Variants in TRPM8 observed in about 807,000 individuals in gnomAD.
The protein encoded by TRPM8 is transient receptor potential cation channel subfamily M member 8.
TRPM8 carries 110 observed loss-of-function variants against 133.7 expected under a neutral mutation model. That is an observed-to-expected ratio of 0.82 (90% CI 0.70 to 0.96). The LOEUF is 0.96. Ranked by LOEUF, TRPM8 falls within the 40% of genes least tolerant of loss-of-function variation. TRPM8 has a pLI of 0.00. For missense variants in TRPM8, 1,291 were observed against 1,379.5 expected (o/e 0.94, Z 1.02); for synonymous variants, 535 against 532.3 (o/e 1.01, Z -0.07).
chr2:233,999,203 G>C (rs1450304543), intron 22 of TRPM8, among the ~76,000 whole-genome samples: 1 of 152,076 alleles, frequency 6.6e-6, no homozygotes, highest in Non-Finnish European at 1.5e-5. Flanking sequence ...TCTGTTCCTT[G>C]AAGCATCCAG....
intron 5 of TRPM8, among the ~76,000 whole-genome samples, chr2:233,941,044 G>A (rs537570450): frequency 9.2e-5 from 14 of 152,268 alleles, no homozygotes; most frequent in African/African-American, 3.1e-4. Context: ...GTCATCTCTT[G>A]GGCATTTGTG....
rs1426051709 is a variant in TRPM8, at chr2:233,937,490, C to A, written c.329C>A (p.Thr110Lys). The change falls in exon 4 of 26, where the codon ACA (threonine) becomes AAA (lysine). Residue 110 changes from threonine to lysine, a missense_variant. Physicochemically the swap from Thr to Lys is moderately conservative, Grantham distance 78. Coordinates refer to ENST00000324695, the MANE Select transcript of TRPM8 (RefSeq NM_024080.5). ...TDAFGDIQFE[T>K]LGKKGKYIRL... ...GCCTTTGGGGATATTCAGTTTGAGA[C>A]ACTGGGGAAGAAAGGGAAGGTAAGC... 4.3e-6 allele frequency: 7 copies of A among 1,613,318 alleles called. No individual in the cohort carries two copies. The highest frequency in any genetic ancestry group is 8.5e-7 in the Non-Finnish European group (1 of 1,179,792).
chr2:233,996,701 A>G (rs1692411775), intron 22 of TRPM8, among the ~76,000 whole-genome samples, 185 bp downstream of exon 22: 1 of 152,250 alleles, frequency 6.6e-6, no homozygotes, highest in Non-Finnish European at 1.5e-5. Flanking sequence ...AGCTGAAGAA[A>G]GCACTGTAGA....
chr2:233,926,414 G>A (rs970148262), intron 1 of TRPM8, 119 bp from the exon 2 acceptor site: 14 of 752,942 alleles, frequency 1.9e-5, no homozygotes, highest in Non-Finnish European at 3.1e-5. Flanking sequence ...AATGGAGCAT[G>A]GGACATTGCA....
chr2:233,967,498 C>T (rs1226291770), intron 15 of TRPM8, among the ~76,000 whole-genome samples: 4 of 152,218 alleles, frequency 2.6e-5, no homozygotes, highest in Admixed American at 6.5e-5. Context: ...TCCCATTTCA[C>T]TGAGGAGGAT....
chr2:234,002,266 G>A (rs1311946529), intron 22 of TRPM8, among the ~76,000 whole-genome samples: 1 of 151,986 alleles, frequency 6.6e-6, no homozygotes, highest in Non-Finnish European at 1.5e-5. Context: ...GAGGACAGGG[G>A]AGAGAAGACC....
In TRPM8 at chr2:233,961,042, G is replaced by A. The variant is rs1306395009; in HGVS notation, c.1629G>A (p.Arg543=). Residue 543 remains arginine (R), a synonymous_variant, in exon 12 of 26, where the codon CGG becomes CGA. Transcript: ENST00000324695. The part of the protein sequence containing the change: ...RGFRKEDRNG[R]DEMDIELHDV... ...TCCGGAAGGAAGACAGAAATGGCCG[G>A]GACGAGATGGACATAGAACTCCACG... is the stretch of plus-strand genomic sequence containing the variant. 1 of 1,614,022 alleles carries A rather than the reference G, an allele frequency of 6.2e-7. No homozygotes were observed. The highest frequency in any genetic ancestry group is 8.5e-7 in the Non-Finnish European group (1 of 1,180,018).
chr2:234,006,704 A>C (rs764619008), intron 22 of TRPM8, 149 bp from the exon 23 acceptor site: 7 of 567,852 alleles, frequency 1.2e-5, no homozygotes, highest in Non-Finnish European at 6.3e-6. Flanking sequence ...TGATGCTGTC[A>C]CTAGGAAGTA....
At chr2:233,974,066 A>G (rs1691802394) in intron 17 of TRPM8, among the ~76,000 whole-genome samples, 1 of 152,198 alleles carries the variant, frequency 6.6e-6, no homozygotes, top group South Asian at 2.1e-4. Flanking sequence ...AGGGGCTGAA[A>G]GGGTGAGATT....
chr2:233,947,431 A>C, intron 8 of TRPM8: 1 of 1,443,282 alleles, frequency 6.9e-7, no homozygotes. Context: ...TTAATTCGGG[A>C]GACTTAAAGA....
At chr2:233,933,258 G>A (rs1252847608) in intron 3 of TRPM8, among the ~76,000 whole-genome samples, 2 of 152,124 alleles carry the variant, frequency 1.3e-5, no homozygotes, top group African/African-American at 2.4e-5. Context: ...TTCTATGTCC[G>A]CACCATCCAA....
chr2:233,998,529 T>C (rs1692466400), intron 22 of TRPM8, among the ~76,000 whole-genome samples: 1 of 150,694 alleles, frequency 6.6e-6, no homozygotes, highest in Non-Finnish European at 1.5e-5. Context: ...GCCCAACCAG[T>C]TAGGGTGAGC....
intron 23 of TRPM8, 123 bp from the exon 24 acceptor site, chr2:234,007,947 G>C (rs1692733855): frequency 1.0e-6 from 1 of 979,864 alleles, no homozygotes; most frequent in Non-Finnish European, 1.6e-6. Context: ...TCTTGATTTA[G>C]CTAAGAGTGA....
intron 19 of TRPM8, among the ~76,000 whole-genome samples, chr2:233,982,203 G>T (rs1424116939): frequency 6.6e-6 from 1 of 152,194 alleles, no homozygotes; most frequent in African/African-American, 2.4e-5. Context: ...AGTTTGCTAA[G>T]AGTGTAGGCA....
chr2:233,943,108 GT>G (rs575082499), intron 6 of TRPM8: 1,204 of 235,446 alleles, frequency 5.1e-3, no homozygotes, highest in South Asian at 0.01. Flanking sequence ...GGATGGCTAT[GT>G]TTTTTTTTTT....
chr2:233,936,156 T>C (rs1690731630), intron 3 of TRPM8, among the ~76,000 whole-genome samples: 1 of 152,146 alleles, frequency 6.6e-6, no homozygotes, highest in African/African-American at 2.4e-5. Flanking sequence ...TTTGTTTGTT[T>C]CTCTGCACTT....
In TRPM8 at chr2:233,964,645, G is replaced by A. The variant is rs1691520051; in HGVS notation, c.1767G>A (p.Leu589=). Residue 589 remains leucine, a synonymous_variant, in exon 14 of 26, where the codon CTG becomes CTA. Transcript: ENST00000324695. ...CTAAAAAGACCAGGGGCTGCACTCT[G>A]GCAGCCCTGGGAGCCAGCAAGCTTC... ...VIWEQTRGCT[L]AALGASKLLK... 1 of 1,605,390 alleles carries A rather than the reference G, an allele frequency of 6.2e-7. No individual in the cohort carries two copies. Among genetic ancestry groups the A allele is most frequent in the African/African-American group, 1.3e-5 (1 of 74,684 alleles).
chr2:233,930,619 G>C (rs1691661585), intron 2 of TRPM8, 49 bp from the exon 3 acceptor site: 3 of 1,290,900 alleles, frequency 2.3e-6, no homozygotes, highest in Middle Eastern at 1.9e-4. Flanking sequence ...ATATCAGCAA[G>C]GGGTGAGAAT....
intron 22 of TRPM8, among the ~76,000 whole-genome samples, chr2:234,004,900 T>C (rs1205668404): frequency 3.9e-5 from 6 of 152,180 alleles, no homozygotes; most frequent in Non-Finnish European, 8.8e-5. Flanking sequence ...ATCGCAAAAT[T>C]TTTCCATATC....
Sources: allele counts gnomAD v4.1 joint callset (sites outside exome capture counted in the v4.1 genomes callset), GRCh38; gene constraint gnomAD v4.1.1; transcripts MANE v1.5; gene names NCBI Gene and HGNC (gene_info 2026-07-23, HGNC 2026-07-21).